The following RNLS variants were observed in gnomAD, a reference collection of about 807,000 sequenced individuals.
RNLS encodes the protein renalase.
In RNLS, 39 loss-of-function variants were observed where a neutral mutation model predicts 39.8. The observed-to-expected ratio is 0.98, with a 90% confidence interval of 0.76 to 1.28. The LOEUF (loss-of-function observed/expected upper bound fraction) is 1.28, where lower values mean the gene tolerates loss of function less well. RNLS is among the 50% of genes most tolerant of loss of function. The probability of loss-of-function intolerance (pLI) is 0.00; values close to 1 mark genes in which losing one functional copy is unlikely to be tolerated. For missense variants in RNLS, 410 were observed against 413.3 expected, an observed-to-expected ratio of 0.99 and a Z score of 0.07; for synonymous variants, 147 against 150.7, an observed-to-expected ratio of 0.98 and a Z score of 0.18.
chr10:88,424,308 T>C (rs1442156116), intron 4 of RNLS, among the ~76,000 whole-genome samples: 2 of 152,180 alleles, frequency 1.3e-5, no homozygotes, highest in East Asian at 3.8e-4. Context: ...TCAGTTCTTT[T>C]TGACACTCTG....
At chr10:88,512,154 A>G (rs562873537) in intron 4 of RNLS, among the ~76,000 whole-genome samples, 1 of 152,320 alleles carries the variant, frequency 6.6e-6, no homozygotes, top group Non-Finnish European at 1.5e-5. Context: ...AAAGAAGTTG[A>G]GAAAATTCTG....
At chr10:88,497,683 C>T (rs1845248345) in intron 4 of RNLS, among the ~76,000 whole-genome samples, 1 of 151,826 alleles carries the variant, frequency 6.6e-6, no homozygotes, top group South Asian at 2.1e-4. Flanking sequence ...AAACCAGGAA[C>T]AAGCAGGAGA....
intron 4 of RNLS, among the ~76,000 whole-genome samples, chr10:88,413,917 C>T (rs966359437): frequency 1.3e-5 from 2 of 152,102 alleles, no homozygotes; most frequent in African/African-American, 4.8e-5. Context: ...TTTTGTTCCT[C>T]TAATTTTATC....
At chr10:88,234,515 T>G in the RNLS span, among the ~76,000 whole-genome samples, 1 of 152,132 alleles carries the variant, frequency 6.6e-6, no homozygotes, top group Non-Finnish European at 1.5e-5. Flanking sequence ...TGTATGTTTG[T>G]GGGTGCGCAC....
chr10:88,287,984 G>A (rs182967287), intron 6 of RNLS, among the ~76,000 whole-genome samples: 39 of 152,204 alleles, frequency 2.6e-4, no homozygotes, highest in African/African-American at 9.1e-4. Flanking sequence ...GAAGAATCCT[G>A]GCAGACTGGG....
chr10:88,504,770 T>C (rs1845692390), intron 4 of RNLS, among the ~76,000 whole-genome samples: 1 of 152,064 alleles, frequency 6.6e-6, no homozygotes, highest in African/African-American at 2.4e-5. Context: ...TTTGTTATTG[T>C]TGGTTGAAGT....
chr10:88,573,703 G>T (rs1306666193), intron 3 of RNLS, among the ~76,000 whole-genome samples: 3 of 152,212 alleles, frequency 2.0e-5, no homozygotes, highest in African/African-American at 7.2e-5. Context: ...TTAACACAAG[G>T]ATATTTTAAT....
chr10:88,470,157 C>T (rs924561222), intron 4 of RNLS, among the ~76,000 whole-genome samples: 4 of 151,726 alleles, frequency 2.6e-5, no homozygotes, highest in Non-Finnish European at 5.9e-5. Context: ...TTTCAGTTCT[C>T]CATTACATGT....
chr10:88,513,099 T>C (rs1846223225), intron 4 of RNLS, among the ~76,000 whole-genome samples: 1 of 152,104 alleles, frequency 6.6e-6, no homozygotes, highest in Non-Finnish European at 1.5e-5. Context: ...GAAAAAAATA[T>C]ACCTCCCCTC....
intron 6 of RNLS, among the ~76,000 whole-genome samples, chr10:88,295,123 A>G (rs1564669187): frequency 6.6e-6 from 1 of 152,198 alleles, no homozygotes; most frequent in African/African-American, 2.4e-5. Flanking sequence ...TCATATACAT[A>G]TGAAATATAT....
intron 5 of RNLS, chr10:88,343,774 A>C (rs1292381236): frequency 1.0e-6 from 1 of 985,420 alleles, no homozygotes; most frequent in East Asian, 1.1e-4. Context: ...CTGGGACACA[A>C]GGAGATTTTC....
intron 6 of RNLS, among the ~76,000 whole-genome samples, chr10:88,302,901 C>A (rs1051984817): frequency 6.6e-6 from 1 of 152,068 alleles, no homozygotes; most frequent in Non-Finnish European, 1.5e-5. Context: ...TAGATGCAGC[C>A]AGGTGGAATG....
At chr10:88,299,283 A>G (rs1183578727) in intron 6 of RNLS, among the ~76,000 whole-genome samples, 3 of 152,100 alleles carry the variant, frequency 2.0e-5, no homozygotes, top group Non-Finnish European at 4.4e-5. Context: ...ATTAAGCTCA[A>G]TTTATCAGTT....
intron 5 of RNLS, among the ~76,000 whole-genome samples, chr10:88,326,421 C>T (rs923783101): frequency 6.6e-6 from 1 of 152,186 alleles, no homozygotes; most frequent in Non-Finnish European, 1.5e-5. Context: ...AGCAAAGAGA[C>T]TAGTGGCATT....
the RNLS span, among the ~76,000 whole-genome samples, chr10:88,194,956 C>T: frequency 6.6e-6 from 1 of 152,154 alleles, no homozygotes. Context: ...AAGACTAACA[C>T]AATCCATATG....
chr10:88,424,969 C>T (rs576092145), intron 4 of RNLS, among the ~76,000 whole-genome samples: 1 of 152,242 alleles, frequency 6.6e-6, no homozygotes, highest in Admixed American at 6.6e-5. Context: ...CAAGAACTTA[C>T]ATGACCTTCC....
intron 4 of RNLS, among the ~76,000 whole-genome samples, chr10:88,539,989 C>T (rs1847958922): frequency 6.6e-6 from 1 of 151,980 alleles, no homozygotes; most frequent in African/African-American, 2.4e-5. Flanking sequence ...ACCACCTTCA[C>T]CAAAATAATG....
chr10:88,568,880 G>A (rs758006452), intron 4 of RNLS, among the ~76,000 whole-genome samples: 14 of 152,228 alleles, frequency 9.2e-5, no homozygotes, highest in Admixed American at 3.9e-4. Flanking sequence ...CTCACAGTGC[G>A]GCTTTGAACT....
At chr10:88,305,653 A>G (rs146980247) in intron 6 of RNLS, among the ~76,000 whole-genome samples, 1,836 of 152,316 alleles carry the variant, frequency 0.012, 38 homozygotes, top group African/African-American at 0.042. Context: ...TATGCACCCA[A>G]TACAGGAGCA....
Sources: gnomAD v4.1 joint callset for allele counts (sites outside exome capture counted in the v4.1 genomes callset) on GRCh38, gnomAD v4.1.1 for gene constraint, MANE v1.5 for transcripts, NCBI Gene and HGNC (gene_info 2026-07-23, HGNC 2026-07-21) for gene names.